TAMM41: variants seen among roughly 807,000 people sequenced by gnomAD.
TAMM41 encodes the protein phosphatidate cytidylyltransferase, mitochondrial.
In TAMM41, 36 loss-of-function variants were observed where a neutral mutation model predicts 44.1. That is an observed-to-expected ratio of 0.82 (90% CI 0.63 to 1.08). The LOEUF (loss-of-function observed/expected upper bound fraction) is 1.08, where lower values mean the gene tolerates loss of function less well. Ranked by LOEUF, TAMM41 falls within the 50% of genes least tolerant of loss-of-function variation. The pLI is 0.00. For synonymous variants in TAMM41, 164 were observed against 153.1 expected, an observed-to-expected ratio of 1.07 and a Z score of -0.53; for missense variants, 417 against 404.3, an observed-to-expected ratio of 1.03 and a Z score of -0.27.
the TAMM41 span, among the ~76,000 whole-genome samples, chr3:11,780,296 T>A: frequency 6.6e-6 from 1 of 152,214 alleles, no homozygotes; most frequent in African/African-American, 2.4e-5. Flanking sequence ...TGAACTAACT[T>A]TAGTTCCCTC....
intron 4 of TAMM41, among the ~76,000 whole-genome samples, chr3:11,822,217 G>GT (rs2078552588): frequency 6.6e-6 from 1 of 152,128 alleles, no homozygotes; most frequent in African/African-American, 2.4e-5. Flanking sequence ...TTTCAGTGCA[G>GT]TTTTTTATGT....
chr3:11,804,403 T>G (rs2077840985), intron 7 of TAMM41, among the ~76,000 whole-genome samples: 1 of 152,220 alleles, frequency 6.6e-6, no homozygotes, highest in African/African-American at 2.4e-5. Context: ...CACTGCCCTC[T>G]GCCATGTTTT....
chr3:11,754,540 A>C, the TAMM41 span, among the ~76,000 whole-genome samples: 1 of 151,238 alleles, frequency 6.6e-6, no homozygotes, highest in Non-Finnish European at 1.5e-5. Context: ...GATTTTTAAA[A>C]AAATTTTTTA....
At position 11,808,547 on chromosome 3, in the gene TAMM41, T is replaced by C. The variant is rs1168404909; in HGVS notation, c.875-652A>G. The C allele has an allele frequency of 1.0e-5, 10 of 985,468 alleles. No homozygotes were observed. The East Asian group carries it at 1.1e-3, about 112-fold the overall frequency. 61.0% of individuals were successfully genotyped at this position (985,468 alleles called of 1,614,324 possible). A position where few individuals can be genotyped will look rare whatever the true frequency, so the allele number is the denominator to read the frequency against. On this transcript the variant is annotated intron_variant, in intron 6 of 7. Transcript: ENST00000455809. Reference sequence around the variant, plus strand: ...GGTCTTTGCAAAGCATTACTGGAAATTCTATCTGGCACGCGGAGGAGCTCA... The same window carrying C: ...GGTCTTTGCAAAGCATTACTGGAAACTCTATCTGGCACGCGGAGGAGCTCA...
chr3:11,846,876 G>A lies in TAMM41; in HGVS notation c.-240C>T. The stretch of plus-strand genomic sequence containing the variant: ...CGGGTGGGCGGCGGTCGCACAGGCA[G>A]AGCTTCCGTCCCTTGCTACGCCCCA... On this transcript the variant is annotated 5_prime_UTR_variant, in exon 1 of 8. Transcript: ENST00000455809. The A allele has an allele frequency of 3.8e-6, 2 of 532,602 alleles. No individual in the cohort carries two copies. The highest frequency in any genetic ancestry group is 2.0e-5 in the South Asian group (1 of 48,806). The allele number at this position is 532,602 out of a possible 1,614,324, so 33.0% of individuals were successfully genotyped here.
chr3:11,838,203 G>C (rs532899387), intron 3 of TAMM41, among the ~76,000 whole-genome samples: 5 of 152,274 alleles, frequency 3.3e-5, no homozygotes, highest in African/African-American at 1.2e-4. Flanking sequence ...ACAGAGCTCA[G>C]GAAGGCAGTT....
Position 11,825,769 on chromosome 3 carries a change from T to C in TAMM41, c.562+3945A>G, listed in dbSNP as rs568404684. The stretch of plus-strand genomic sequence containing the variant: ...TGGGGCTGTCATGTTTCAATCCATC[T>C]GATCTAAGTACTCAGCTAATTTTTT... On this transcript the variant is annotated intron_variant, in intron 4 of 7. Transcript: ENST00000455809. Among the ~76,000 whole-genome samples, 6 of 152,266 alleles carry C rather than the reference T, an allele frequency of 3.9e-5. No individual in the cohort carries two copies. In the East Asian group the frequency reaches 7.7e-4, roughly 20 times the overall value.
At chr3:11,763,725 A>T in the TAMM41 span, among the ~76,000 whole-genome samples, 2 of 152,216 alleles carry the variant, frequency 1.3e-5, no homozygotes, top group Non-Finnish European at 2.9e-5. Flanking sequence ...TTCATGTTTT[A>T]ACACATGATG....
intron 4 of TAMM41, among the ~76,000 whole-genome samples, chr3:11,818,833 G>C (rs1478950860): frequency 2.0e-5 from 3 of 150,330 alleles, no homozygotes; most frequent in African/African-American, 7.4e-5. Context: ...AGGAGGCAGA[G>C]CTTGCAGTGA....
At chr3:11,744,875 T>A in the TAMM41 span, among the ~76,000 whole-genome samples, 6 of 151,272 alleles carry the variant, frequency 4.0e-5, no homozygotes, top group Non-Finnish European at 5.9e-5. Context: ...GGTAATTTTT[T>A]TTTTTTGAGA....
chr3:11,723,176 G>C, the TAMM41 span, among the ~76,000 whole-genome samples: 1 of 144,808 alleles, frequency 6.9e-6, no homozygotes, highest in Admixed American at 7.2e-5. Flanking sequence ...ATGATGCCAG[G>C]ATTACCTGGG....
chr3:11,773,527 C>A, the TAMM41 span, among the ~76,000 whole-genome samples: 1 of 152,034 alleles, frequency 6.6e-6, no homozygotes, highest in Non-Finnish European at 1.5e-5. Context: ...AGCCCCACCC[C>A]GACATTTTCT....
the TAMM41 span, among the ~76,000 whole-genome samples, chr3:11,753,572 A>AT: frequency 6.6e-6 from 1 of 151,536 alleles, no homozygotes; most frequent in Non-Finnish European, 1.5e-5. Context: ...AAAATAAAAA[A>AT]AAATAAAAAA....
At chr3:11,840,116 T>G (rs1030393112) in intron 2 of TAMM41, among the ~76,000 whole-genome samples, 2 of 151,918 alleles carry the variant, frequency 1.3e-5, no homozygotes, top group East Asian at 3.9e-4. Context: ...CATTCCCTAG[T>G]CCCCTGTTCA....
chr3:11,769,476 T>C, the TAMM41 span, among the ~76,000 whole-genome samples: 2 of 152,090 alleles, frequency 1.3e-5, no homozygotes, highest in African/African-American at 4.8e-5. Flanking sequence ...GGGTAAATAT[T>C]TGTGGCCTTG....
At chr3:11,782,445 G>A in the TAMM41 span, among the ~76,000 whole-genome samples, 1 of 151,790 alleles carries the variant, frequency 6.6e-6, no homozygotes, top group Non-Finnish European at 1.5e-5. Context: ...TACTTGGGAG[G>A]CTAAGGTGGT....
the TAMM41 span, among the ~76,000 whole-genome samples, chr3:11,739,699 A>G: frequency 0.084 from 11,011 of 130,550 alleles, 758 homozygotes; most frequent in East Asian, 0.17. Context: ...AAAAAAAAAG[A>G]GACATGTTAA....
chr3:11,746,595 A>G, the TAMM41 span, among the ~76,000 whole-genome samples: 9 of 151,906 alleles, frequency 5.9e-5, no homozygotes, highest in Admixed American at 4.6e-4. Flanking sequence ...GCTGGGGGAA[A>G]AAAAACATAT....
At chr3:11,741,449 T>C in the TAMM41 span, among the ~76,000 whole-genome samples, 1 of 149,542 alleles carries the variant, frequency 6.7e-6, no homozygotes. Flanking sequence ...TACCATCACC[T>C]TGGGGACTAA....
Sources: allele counts gnomAD v4.1 joint callset (sites outside exome capture counted in the v4.1 genomes callset), GRCh38; gene constraint gnomAD v4.1.1; transcripts MANE v1.5; gene names NCBI Gene and HGNC (gene_info 2026-07-23, HGNC 2026-07-21).